The following RIC1 variants were observed in gnomAD, a reference collection of about 807,000 sequenced individuals.
The protein encoded by RIC1 is guanine nucleotide exchange factor subunit RIC1.
In RIC1, 88 loss-of-function variants were observed where a neutral mutation model predicts 169.0. The observed-to-expected ratio is 0.52, with a 90% CI of 0.44 to 0.62. The LOEUF (loss-of-function observed/expected upper bound fraction) is 0.62, where lower values mean the gene tolerates loss of function less well. Among genes scored for constraint, RIC1 ranks in the 20% least tolerant of loss-of-function variants. The pLI is 0.00. For missense variants in RIC1, 1,877 were observed against 1,725.5 expected, an observed-to-expected ratio of 1.09 and a Z score of -1.56; for synonymous variants, 790 against 601.5, an observed-to-expected ratio of 1.31 and a Z score of -4.59.
At chr9:5,751,256 A>G (rs1825707026) in intron 12 of RIC1, among the ~76,000 whole-genome samples, 1 of 151,820 alleles carries the variant, frequency 6.6e-6, no homozygotes, top group South Asian at 2.1e-4. Context: ...TGACTGCTGA[A>G]AAAAGTTGAA....
downstream of RIC1, among the ~76,000 whole-genome samples, chr9:5,777,239 G>C (rs573542740): frequency 5.3e-5 from 8 of 151,402 alleles, no homozygotes; most frequent in Non-Finnish European, 1.0e-4. Flanking sequence ...ACTCTTTTAT[G>C]TACATATAAA....
intron 2 of RIC1, among the ~76,000 whole-genome samples, chr9:5,683,300 A>T (rs1048035579): frequency 2.0e-5 from 3 of 152,120 alleles, no homozygotes; most frequent in Non-Finnish European, 1.5e-5. Flanking sequence ...GTCTTTGATG[A>T]TGGTGACGTA....
At chr9:5,728,213 CTTTG>C (rs1344865411) in intron 6 of RIC1, among the ~76,000 whole-genome samples, 5 of 152,244 alleles carry the variant, frequency 3.3e-5, no homozygotes, top group African/African-American at 1.2e-4. Flanking sequence ...TTCCCTGCCA[CTTTG>C]TTTACCTATT....
chr9:5,723,819 C>A (rs1823768944), intron 6 of RIC1, among the ~76,000 whole-genome samples: 1 of 152,196 alleles, frequency 6.6e-6, no homozygotes, highest in African/African-American at 2.4e-5. Context: ...ATAGAGAATC[C>A]TTTCCCCGTT....
chr9:5,673,709 A>C (rs1226877377), intron 2 of RIC1, among the ~76,000 whole-genome samples: 1 of 151,794 alleles, frequency 6.6e-6, no homozygotes, highest in African/African-American at 2.4e-5. Context: ...GAACAGTCAG[A>C]AAACACTAAG....
chr9:5,671,545 G>A (rs549405682), intron 2 of RIC1, among the ~76,000 whole-genome samples: 20 of 152,086 alleles, frequency 1.3e-4, no homozygotes, highest in Non-Finnish European at 2.6e-4. Flanking sequence ...CGAAGTGTTG[G>A]GATTATGGGC....
rs1826444727 is a variant in RIC1 at position 5,763,086 on chromosome 9, A to G, written c.2113-54A>G. On this transcript the variant is annotated intron_variant, in intron 18 of 25. Coordinates refer to ENST00000414202, the MANE Select transcript of RIC1 (RefSeq NM_020829.4). The surrounding 1 kb of genome is among the most constrained non-coding windows in gnomAD (Gnocchi z 5.2). ...TAGTAAACTAGTACCTAGGAACTTA[A>G]GAACCTGCAGATTTAATAGGAAAAC... is the stretch of plus-strand genomic sequence containing the variant. The G allele has an allele frequency of 1.9e-6, 3 of 1,570,880 alleles. No homozygotes were observed. The highest frequency in any genetic ancestry group is 1.8e-5 in the Admixed American group (1 of 54,276).
intron 12 of RIC1, among the ~76,000 whole-genome samples, chr9:5,749,665 A>G (rs1332192239): frequency 6.7e-6 from 1 of 149,614 alleles, no homozygotes; most frequent in African/African-American, 2.5e-5. Context: ...TAGCTTCCAG[A>G]TTGGAAGATT....
chr9:5,668,133 A>G (rs1819888480), intron 2 of RIC1, among the ~76,000 whole-genome samples: 2 of 152,126 alleles, frequency 1.3e-5, no homozygotes, highest in Non-Finnish European at 2.9e-5. Context: ...AAAGCCACCT[A>G]TTAAAGTACC....
At position 5,765,650 on chromosome 9, in the gene RIC1, G is replaced by A. The variant is rs957426226; in HGVS notation, c.3001-12G>A. 6.2e-7 allele frequency: 1 copy of A among 1,614,080 alleles called. No individual in the cohort carries two copies. The highest frequency in any genetic ancestry group is 8.5e-7 in the Non-Finnish European group (1 of 1,179,976). On this transcript the variant is annotated splice_polypyrimidine_tract_variant and intron_variant, in intron 20 of 25. Transcript: ENST00000414202. ...TTTCTCTAATGGTACTGCATATGGTGTGTAATCCTAGGAACCCAGTTCAAG... is the reference window on the plus strand; with the variant it reads ...TTTCTCTAATGGTACTGCATATGGTATGTAATCCTAGGAACCCAGTTCAAG...
rs771535533 is a variant in RIC1 at position 5,746,304 on chromosome 9, A to G, written c.1248+221A>G. Among the ~76,000 whole-genome samples the G allele has an allele frequency of 2.2e-4, 34 of 152,246 alleles. 1 individual carries two copies. The highest frequency in any genetic ancestry group is 9.8e-4 in the Admixed American group (15 of 15,282). On this transcript the variant is annotated intron_variant, in intron 11 of 25. Transcript: ENST00000414202. The stretch of plus-strand genomic sequence containing the variant: ...TATTTTTTTAAAAGGGTCATAAGCA[A>G]TTTGACGGAAAGCAATGTTTATATA...
Position 5,645,949 on chromosome 9 carries a change from G to GTT in RIC1, c.145-10621_145-10620dup, listed in dbSNP as rs34638495. ...GCTGTTTCATTTGGTTATTCTATAGGTTTTTTTTTTTTTTGAGAAATTTTG... is the reference window on the plus strand; with the variant it reads ...GCTGTTTCATTTGGTTATTCTATAGGTTTTTTTTTTTTTTTTGAGAAATTTTG... On this transcript the variant is annotated intron_variant, in intron 1 of 25. Transcript: ENST00000414202. Among the ~76,000 whole-genome samples, 877 of 140,190 alleles carry GTT rather than the reference G, an allele frequency of 6.3e-3. 9 individuals carry two copies. The highest frequency in any genetic ancestry group is 0.022 in the East Asian group (109 of 4,892). 92.0% of individuals were successfully genotyped at this position (140,190 alleles called of 152,430 possible). A position where few individuals can be genotyped will look rare whatever the true frequency, so the allele number is the denominator to read the frequency against.
intron 3 of RIC1, among the ~76,000 whole-genome samples, chr9:5,701,224 A>C (rs1302952497): frequency 6.6e-6 from 1 of 152,204 alleles, no homozygotes; most frequent in Admixed American, 6.5e-5. Flanking sequence ...GGATGTGTAC[A>C]TAGCACTCCT....
chr9:5,697,692 A>G (rs1301045175), intron 3 of RIC1, among the ~76,000 whole-genome samples: 2 of 152,172 alleles, frequency 1.3e-5, no homozygotes, highest in Non-Finnish European at 2.9e-5. Flanking sequence ...ATGGTTGGAG[A>G]ACTAAAGCCT....
intron 11 of RIC1, among the ~76,000 whole-genome samples, chr9:5,746,687 A>G (rs1825398076): frequency 6.6e-6 from 1 of 152,214 alleles, no homozygotes; most frequent in African/African-American, 2.4e-5. Flanking sequence ...TTCTATCTGA[A>G]ATAGTGTATA....
chr9:5,715,692 A>G (rs954345262), intron 4 of RIC1, among the ~76,000 whole-genome samples: 11 of 152,270 alleles, frequency 7.2e-5, no homozygotes, highest in Admixed American at 2.6e-4. Flanking sequence ...TTTGATTTGA[A>G]GAAAAAATAT....
intron 2 of RIC1, among the ~76,000 whole-genome samples, chr9:5,675,058 A>G (rs1820359061): frequency 1.3e-5 from 2 of 152,200 alleles, no homozygotes; most frequent in African/African-American, 4.8e-5. Context: ...AGATGGAGCA[A>G]TGGTGAGCGC....
chr9:5,658,962 A>G (rs928785235), intron 2 of RIC1, among the ~76,000 whole-genome samples: 12 of 152,032 alleles, frequency 7.9e-5, no homozygotes, highest in Admixed American at 6.6e-4. Flanking sequence ...GAATTATGTA[A>G]AATGTCATTA....
chr9:5,702,645 TCTC>T (rs1468382000), intron 3 of RIC1, among the ~76,000 whole-genome samples: 3 of 152,122 alleles, frequency 2.0e-5, no homozygotes, highest in African/African-American at 7.2e-5. Flanking sequence ...TTGAAGCAAT[TCTC>T]CTGCTTCAGC....
Sources: gnomAD v4.1 joint callset for allele counts (sites outside exome capture counted in the v4.1 genomes callset) on GRCh38, gnomAD v4.1.1 for gene constraint, Gnocchi (gnomAD v3.1) non-coding constraint, MANE v1.5 for transcripts, NCBI Gene and HGNC (gene_info 2026-07-23, HGNC 2026-07-21) for gene names.